COMMD10: variants seen among roughly 807,000 people sequenced by gnomAD.
COMMD10 encodes COMM domain-containing protein 10.
In COMMD10, 33 loss-of-function variants were observed where a neutral mutation model predicts 28.9. The observed-to-expected ratio is 1.14, with a 90% CI of 0.87 to 1.53. The LOEUF is 1.53. Ranked by LOEUF, COMMD10 falls within the 40% of genes most tolerant of loss-of-function variation. COMMD10 has a pLI of 0.00. For synonymous variants in COMMD10, 110 were observed against 81.7 expected (o/e 1.35, Z -1.87); for missense variants, 310 against 233.4 (o/e 1.33, Z -2.14).
chr5:116,223,964 A>G (rs934274559), intron 5 of COMMD10, among the ~76,000 whole-genome samples: 2 of 152,182 alleles, frequency 1.3e-5, no homozygotes, highest in Non-Finnish European at 2.9e-5. Flanking sequence ...TTTTAAAAGT[A>G]ATGCATGTGT....
intron 5 of COMMD10, among the ~76,000 whole-genome samples, chr5:116,161,430 G>T (rs1752912130): frequency 1.3e-5 from 2 of 152,246 alleles, no homozygotes; most frequent in African/African-American, 2.4e-5. Context: ...TACAAGTGCA[G>T]TTGACCCTTG....
intron 5 of COMMD10, among the ~76,000 whole-genome samples, chr5:116,202,493 G>A (rs1042026068): frequency 1.3e-5 from 2 of 151,324 alleles, no homozygotes; most frequent in African/African-American, 4.8e-5. Flanking sequence ...CTAGTTTACA[G>A]TCCCACCAAC....
At chr5:116,125,426 G>A (rs6889212) in intron 4 of COMMD10, among the ~76,000 whole-genome samples, 76,629 of 152,030 alleles carry the variant, frequency 0.5, 21,916 homozygotes, top group Non-Finnish European at 0.65. Flanking sequence ...TGCGCTGTTA[G>A]TCTGGTGGGT....
At chr5:116,178,615 C>G (rs1443978210) in intron 5 of COMMD10, among the ~76,000 whole-genome samples, 2 of 152,062 alleles carry the variant, frequency 1.3e-5, no homozygotes, top group Non-Finnish European at 2.9e-5. Context: ...TAAAAACATT[C>G]ACTATTCTAA....
intron 5 of COMMD10, among the ~76,000 whole-genome samples, chr5:116,215,122 A>G (rs1246593712): frequency 6.6e-6 from 1 of 151,924 alleles, no homozygotes; most frequent in Non-Finnish European, 1.5e-5. Context: ...TATTTTATTG[A>G]TATATAATAA....
intron 5 of COMMD10, among the ~76,000 whole-genome samples, chr5:116,262,257 A>T (rs186724881): frequency 2.0e-5 from 3 of 151,774 alleles, no homozygotes; most frequent in African/African-American, 4.8e-5. Flanking sequence ...AAATTTCTAC[A>T]TCCCTCAAAA....
chr5:116,140,815 C>G (rs1426663586), intron 5 of COMMD10, among the ~76,000 whole-genome samples: 1 of 151,704 alleles, frequency 6.6e-6, no homozygotes, highest in African/African-American at 2.4e-5. Context: ...GTGTGAGTTC[C>G]TTATACATGT....
At chr5:116,283,224 A>G (rs1022756577) in intron 5 of COMMD10, among the ~76,000 whole-genome samples, 1 of 151,936 alleles carries the variant, frequency 6.6e-6, no homozygotes, top group African/African-American at 2.4e-5. Context: ...AAACGATGAC[A>G]GCAATAAAAC....
chr5:116,196,458 G>A (rs1203148765), intron 5 of COMMD10, among the ~76,000 whole-genome samples: 1 of 151,704 alleles, frequency 6.6e-6, no homozygotes, highest in East Asian at 1.9e-4. Flanking sequence ...ACTTACTCAT[G>A]TAACCGAATA....
intron 5 of COMMD10, among the ~76,000 whole-genome samples, chr5:116,246,912 C>T (rs1749966259): frequency 6.6e-6 from 1 of 151,960 alleles, no homozygotes; most frequent in Non-Finnish European, 1.5e-5. Context: ...AGGACAATGG[C>T]ACGGGCAAAG....
chr5:116,094,090 A>G (rs1442583569), intron 4 of COMMD10, among the ~76,000 whole-genome samples: 3 of 152,116 alleles, frequency 2.0e-5, no homozygotes, highest in Non-Finnish European at 4.4e-5. Flanking sequence ...CAGGAGAAAT[A>G]CTCCAGGACA....
At chr5:116,154,059 CAT>C (rs1036565078) in intron 5 of COMMD10, among the ~76,000 whole-genome samples, 18 of 152,210 alleles carry the variant, frequency 1.2e-4, no homozygotes, top group Non-Finnish European at 1.5e-5. Context: ...TGATTGACTT[CAT>C]ATGCCCTTGG....
intron 5 of COMMD10, among the ~76,000 whole-genome samples, chr5:116,240,103 A>C (rs1051386031): frequency 6.6e-6 from 1 of 152,176 alleles, no homozygotes; most frequent in Non-Finnish European, 1.5e-5. Context: ...TCACTATGTG[A>C]GGCTAGAGAG....
At chr5:116,158,848 G>GTT (rs1223151839) in intron 5 of COMMD10, among the ~76,000 whole-genome samples, 6 of 125,150 alleles carry the variant, frequency 4.8e-5, no homozygotes, top group Admixed American at 2.2e-4. Context: ...CTTGCAAACA[G>GTT]TTGTTTTTTT....
intron 5 of COMMD10, among the ~76,000 whole-genome samples, chr5:116,198,574 A>G (rs1390597452): frequency 1.3e-5 from 2 of 152,136 alleles, no homozygotes; most frequent in African/African-American, 2.4e-5. Flanking sequence ...GGTGTCATAC[A>G]TTTCATGGAT....
At chr5:116,195,974 A>G (rs1465174608) in intron 5 of COMMD10, among the ~76,000 whole-genome samples, 2 of 152,204 alleles carry the variant, frequency 1.3e-5, no homozygotes, top group African/African-American at 2.4e-5. Flanking sequence ...AAACACGTCT[A>G]CACTGCTGGT....
intron 5 of COMMD10, among the ~76,000 whole-genome samples, chr5:116,219,052 G>T (rs1466161290): frequency 2.6e-5 from 4 of 152,078 alleles, no homozygotes; most frequent in Admixed American, 6.5e-5. Context: ...TAGCTACCAG[G>T]TGTCTGCTTT....
At chr5:116,288,139 C>T (rs1486393715) in intron 5 of COMMD10, among the ~76,000 whole-genome samples, 3 of 151,782 alleles carry the variant, frequency 2.0e-5, no homozygotes, top group African/African-American at 7.3e-5. Flanking sequence ...ACTCCCATGG[C>T]TTTTCTTTAT....
At chr5:116,283,989 G>A (rs151314081) in intron 5 of COMMD10, among the ~76,000 whole-genome samples, 32 of 151,416 alleles carry the variant, frequency 2.1e-4, no homozygotes, top group Admixed American at 5.3e-4. Context: ...TAACTTACTG[G>A]GTGTGGAAGC....
Sources: allele counts gnomAD v4.1 joint callset (sites outside exome capture counted in the v4.1 genomes callset), GRCh38; gene constraint gnomAD v4.1.1; transcripts MANE v1.5; gene names NCBI Gene and HGNC (gene_info 2026-07-23, HGNC 2026-07-21).